DSCAM: variants seen among roughly 807,000 people sequenced by gnomAD.
DSCAM encodes the protein DS cell adhesion molecule.
Under a neutral mutation model 217.7 loss-of-function variants are expected in DSCAM, and 47 were observed. The observed-to-expected ratio is 0.22, with a 90% CI of 0.17 to 0.28. The LOEUF is 0.28. DSCAM is among the 10% of genes least tolerant of loss of function. The pLI is 1.00. For missense variants in DSCAM, 2,080 were observed against 2,618.3 expected (o/e 0.79, Z 4.49); for synonymous variants, 1,056 against 1,015.3 (o/e 1.04, Z -0.76).
chr21:40,123,789 G>GGAGGGAAGGAAGGAC (rs1568952645), intron 20 of DSCAM, among the ~76,000 whole-genome samples: 3 of 149,338 alleles, frequency 2.0e-5, no homozygotes, highest in African/African-American at 7.5e-5. Flanking sequence ...GAAGGAAGGA[G>GGAGGGAAGGAAGGAC]GGAGGGAAGG....
At chr21:40,513,709 C>T (rs755067799) in intron 3 of DSCAM, among the ~76,000 whole-genome samples, 23 of 152,098 alleles carry the variant, frequency 1.5e-4, no homozygotes, top group Non-Finnish European at 2.8e-4. Context: ...TCCACTATGC[C>T]CCACCTTCAA....
intron 1 of DSCAM, among the ~76,000 whole-genome samples, chr21:40,788,046 G>A (rs576067046): frequency 6.6e-6 from 1 of 152,256 alleles, no homozygotes; most frequent in African/African-American, 2.4e-5. Flanking sequence ...GACTGTCTGT[G>A]GAACATCCAA....
intron 1 of DSCAM, among the ~76,000 whole-genome samples, chr21:40,785,599 C>T (rs1336426654): frequency 4.6e-5 from 7 of 152,234 alleles, no homozygotes; most frequent in African/African-American, 1.7e-4. Context: ...TCAGTTACCA[C>T]AGTATGGCTT....
At chr21:40,171,839 A>G (rs1220916776) in intron 15 of DSCAM, among the ~76,000 whole-genome samples, 1 of 152,180 alleles carries the variant, frequency 6.6e-6, no homozygotes. Context: ...CTCATTGCCA[A>G]TGATGCCTAT....
At chr21:40,025,722 CTTTATCAT>C (rs1223382260) in intron 32 of DSCAM, among the ~76,000 whole-genome samples, 2 of 150,914 alleles carry the variant, frequency 1.3e-5, no homozygotes, top group African/African-American at 4.9e-5. Flanking sequence ...GTGATGTCCC[CTTTATCAT>C]TTTTTATTGC....
chr21:40,507,527 A>T (rs539358386), intron 3 of DSCAM, among the ~76,000 whole-genome samples: 52 of 152,218 alleles, frequency 3.4e-4, no homozygotes, highest in Admixed American at 8.5e-4. Flanking sequence ...GTGGTGACTC[A>T]CACCTGTAAT....
intron 18 of DSCAM, among the ~76,000 whole-genome samples, chr21:40,139,099 G>GGT (rs2090255827): frequency 1.4e-5 from 2 of 142,836 alleles, no homozygotes; most frequent in African/African-American, 5.3e-5. Context: ...TGGGATGTGT[G>GGT]GTGTGGTGTG....
At chr21:40,597,500 C>CTTTTTTTTTTTTTT (rs10530311) in intron 3 of DSCAM, among the ~76,000 whole-genome samples, 1 of 75,854 alleles carries the variant, frequency 1.3e-5, no homozygotes, top group Non-Finnish European at 2.3e-5. Flanking sequence ...CAGTAATAGG[C>CTTTTTTTTTTTTTT]TTTTTTTTTT....
chr21:40,164,829 T>C (rs2090576971), intron 16 of DSCAM, among the ~76,000 whole-genome samples: 1 of 151,996 alleles, frequency 6.6e-6, no homozygotes, highest in Non-Finnish European at 1.5e-5. Flanking sequence ...TAAAATGAAA[T>C]AAAAGTGGAA....
intron 3 of DSCAM, among the ~76,000 whole-genome samples, chr21:40,422,652 A>G (rs1039459505): frequency 6.6e-6 from 1 of 152,338 alleles, no homozygotes; most frequent in East Asian, 1.9e-4. Context: ...AATAACAACA[A>G]CAAAAAAGTT....
At chr21:40,295,800 C>T (rs974089085) in intron 10 of DSCAM, among the ~76,000 whole-genome samples, 2 of 151,372 alleles carry the variant, frequency 1.3e-5, no homozygotes, top group African/African-American at 4.9e-5. Context: ...AGTGCTGAAA[C>T]AATCTACACA....
chr21:40,769,394 GAGA>G (rs1038095990), intron 1 of DSCAM, among the ~76,000 whole-genome samples: 100 of 152,324 alleles, frequency 6.6e-4, no homozygotes, highest in African/African-American at 2.2e-3. Context: ...CACCCATGGG[GAGA>G]AGGAGATGAG....
intron 3 of DSCAM, among the ~76,000 whole-genome samples, chr21:40,619,843 GAAA>G (rs35632591): frequency 1.5e-5 from 2 of 129,796 alleles, no homozygotes; most frequent in African/African-American, 2.8e-5. Context: ...AGCATGTAAA[GAAA>G]AAAAAAAAAG....
chr21:40,268,506 C>A (rs983296620), intron 11 of DSCAM, among the ~76,000 whole-genome samples: 1 of 151,880 alleles, frequency 6.6e-6, no homozygotes, highest in Admixed American at 6.6e-5. Context: ...CTTAAATCAA[C>A]TGAAAAACAT....
intron 1 of DSCAM, among the ~76,000 whole-genome samples, chr21:40,816,921 G>A (rs1288375337): frequency 2.0e-5 from 3 of 152,040 alleles, no homozygotes; most frequent in Non-Finnish European, 4.4e-5. Flanking sequence ...ACATGGCTTC[G>A]AGCTCGCTCT....
chr21:40,812,848 G>T (rs1327494709), intron 1 of DSCAM, among the ~76,000 whole-genome samples: 2 of 152,160 alleles, frequency 1.3e-5, no homozygotes, highest in African/African-American at 4.8e-5. Flanking sequence ...GGGAGAAAGT[G>T]GGAAGTTGGA....
At chr21:40,760,813 C>T (rs1473536389) in intron 1 of DSCAM, among the ~76,000 whole-genome samples, 1 of 152,116 alleles carries the variant, frequency 6.6e-6, no homozygotes, top group Non-Finnish European at 1.5e-5. Context: ...AGAATCTTCC[C>T]CTTTCTGCAC....
At position 40,536,400 on chromosome 21, in the gene DSCAM, CTTTT is replaced by C. The variant is rs35476225; in HGVS notation, c.508+156406_508+156409del. On this transcript the variant is annotated intron_variant, in intron 3 of 32. Coordinates refer to ENST00000400454, the MANE Select transcript of DSCAM (RefSeq NM_001389.5). ...GAAAACCAAAGCTGACCGGTAGAGTCTTTTTTTTTTTTTTTTTTTGAGACGGAGT... is the reference window on the plus strand; with the variant it reads ...GAAAACCAAAGCTGACCGGTAGAGTCTTTTTTTTTTTTTTTGAGACGGAGT... 7.0e-5 allele frequency among the ~76,000 whole-genome samples: 9 copies of C among 127,726 alleles called. No individual in the cohort carries two copies. In the East Asian group the frequency reaches 1.8e-3, roughly 26 times the overall value. The allele number at this position is 127,726 out of a possible 152,430, so 83.8% of individuals were successfully genotyped here. A position where few individuals can be genotyped will look rare whatever the true frequency, so the allele number is the denominator to read the frequency against.
chr21:40,143,882 T>C (rs1015045645), intron 17 of DSCAM, among the ~76,000 whole-genome samples: 1 of 152,222 alleles, frequency 6.6e-6, no homozygotes, highest in African/African-American at 2.4e-5. Flanking sequence ...TTGCTACAAA[T>C]AACCCCATAT....
Sources: allele counts gnomAD v4.1 joint callset (sites outside exome capture counted in the v4.1 genomes callset), GRCh38; gene constraint gnomAD v4.1.1; transcripts MANE v1.5; gene names NCBI Gene and HGNC (gene_info 2026-07-23, HGNC 2026-07-21).